PIK3C2G: variants seen among roughly 807,000 people sequenced by gnomAD.
The protein encoded by PIK3C2G is phosphatidylinositol-4-phosphate 3-kinase catalytic subunit type 2 gamma.
A neutral mutation model predicts 181.1 loss-of-function variants in PIK3C2G; 168 were observed. That is an observed-to-expected ratio of 0.93 (90% CI 0.82 to 1.05). The LOEUF (loss-of-function observed/expected upper bound fraction) is 1.05, where lower values mean the gene tolerates loss of function less well. PIK3C2G is among the 50% of genes least tolerant of loss of function. PIK3C2G has a pLI of 0.00. For synonymous variants in PIK3C2G, 573 were observed against 592.2 expected (o/e 0.97, Z 0.47); for missense variants, 1,869 against 1,732.8 (o/e 1.08, Z -1.40).
chr12:18,724,725 T>A, the PIK3C2G span, among the ~76,000 whole-genome samples: 1 of 152,176 alleles, frequency 6.6e-6, no homozygotes, highest in Non-Finnish European at 1.5e-5. Flanking sequence ...TGGAAGCGGA[T>A]GTTATAGAAT....
intron 4 of PIK3C2G, among the ~76,000 whole-genome samples, chr12:18,293,016 A>G (rs1949779773): frequency 6.6e-6 from 1 of 152,226 alleles, no homozygotes; most frequent in African/African-American, 2.4e-5. Flanking sequence ...AACTTGGGAT[A>G]TAATACCTAT....
chr12:18,538,056 AAAAG>A, intron 24 of PIK3C2G, 96 bp from the exon 25 acceptor site: 1 of 1,198,924 alleles, frequency 8.3e-7, no homozygotes, highest in Non-Finnish European at 1.2e-6. Context: ...AGAGAAAAAA[AAAAG>A]AAAATTCAAA....
At chr12:18,579,536 T>A (rs1946388865) in intron 29 of PIK3C2G, among the ~76,000 whole-genome samples, 1 of 152,154 alleles carries the variant, frequency 6.6e-6, no homozygotes. Context: ...TCTCTCTGTC[T>A]GTTCCTCTGT....
At chr12:18,392,465 G>A (rs1297013661) in intron 15 of PIK3C2G, among the ~76,000 whole-genome samples, 2 of 152,172 alleles carry the variant, frequency 1.3e-5, no homozygotes, top group South Asian at 2.1e-4. Flanking sequence ...AACTTCAAAT[G>A]TGCTAGTCCT....
At chr12:18,683,584 C>A in the PIK3C2G span, 3 of 1,456,928 alleles carry the variant, frequency 2.1e-6, no homozygotes, top group Middle Eastern at 1.8e-4. Flanking sequence ...AAATTAGCCA[C>A]CACCCTTCTG....
At chr12:18,268,640 C>T (rs1436382616) in intron 1 of PIK3C2G, among the ~76,000 whole-genome samples, 1 of 152,074 alleles carries the variant, frequency 6.6e-6, no homozygotes, top group African/African-American at 2.4e-5. Context: ...AATCATATGA[C>T]ATAATTCAGA....
rs762053615 is a variant in PIK3C2G at position 18,338,508 on chromosome 12, C to T, written c.1355C>T (p.Ala452Val). Reference sequence around the variant, plus strand: ...GTGGAAACCAAACAAATTACAGATGCAGTAAATGAACTAAGTCTAATTCTT... The same window carrying T: ...GTGGAAACCAAACAAATTACAGATGTAGTAAATGAACTAAGTCTAATTCTT... ...GCVETKQITD[A>V]VNELSLILQR... The change falls in exon 9 of 33, where the codon GCA becomes GTA. Residue 452 changes from alanine to valine, a missense_variant. Transcript: ENST00000538779. The T allele has an allele frequency of 1.3e-6, 2 of 1,587,584 alleles. No homozygotes were observed. The highest frequency in any genetic ancestry group is 1.7e-5 in the Admixed American group (1 of 59,814).
chr12:18,497,456 T>TA (rs1185130169), intron 21 of PIK3C2G, among the ~76,000 whole-genome samples, 163 bp from the exon 22 acceptor site: 16 of 152,162 alleles, frequency 1.1e-4, no homozygotes, highest in African/African-American at 3.9e-4. Flanking sequence ...AAATTTTTTT[T>TA]ATCAGAAACA....
Position 18,608,412 on chromosome 12 carries a change from A to T in PIK3C2G, c.4088-1123A>T, listed in dbSNP as rs367908196. ...ATGAGTTCATATCCTTTGTAGGGAC[A>T]TGGATGAAGCTGGAAACCATCATTC... On this transcript the variant is annotated intron_variant, in intron 30 of 32. Transcript: ENST00000538779. Among the ~76,000 whole-genome samples, 9 of 152,232 alleles carry T rather than the reference A, an allele frequency of 5.9e-5. No homozygotes were observed. The East Asian group carries it at 1.7e-3, about 29-fold the overall frequency.
chr12:18,641,670 A>G (rs947393447), intron 32 of PIK3C2G, among the ~76,000 whole-genome samples: 2 of 151,444 alleles, frequency 1.3e-5, no homozygotes, highest in African/African-American at 4.9e-5. Context: ...GTGGATCAAC[A>G]AAGTTTTATT....
intron 18 of PIK3C2G, among the ~76,000 whole-genome samples, chr12:18,474,475 A>G (rs184054366): frequency 4.6e-5 from 7 of 152,264 alleles, no homozygotes; most frequent in African/African-American, 1.7e-4. Context: ...ACCTTTCCAG[A>G]ATTCTTGGGA....
intron 1 of PIK3C2G, among the ~76,000 whole-genome samples, chr12:18,264,603 G>A (rs1415814037): frequency 6.6e-6 from 1 of 151,808 alleles, no homozygotes; most frequent in Non-Finnish European, 1.5e-5. Context: ...TTTTTGCTTA[G>A]GTTCCATTAT....
At chr12:18,649,800 T>G (rs1950338586), downstream of PIK3C2G, among the ~76,000 whole-genome samples, 1 of 152,180 alleles carries the variant, frequency 6.6e-6, no homozygotes, top group Non-Finnish European at 1.5e-5. Context: ...CTGGATATAT[T>G]TTCTTCATTT....
At position 18,286,853 on chromosome 12, in the gene PIK3C2G, G is replaced by T. The variant is rs867581120; in HGVS notation, c.685G>T (p.Gly229Cys). The T allele has an allele frequency of 6.6e-7, 1 of 1,520,538 alleles. No homozygotes were observed. Among genetic ancestry groups the T allele is most frequent in the East Asian group, 2.4e-5 (1 of 41,626 alleles). The allele number at this position is 1,520,538 out of a possible 1,614,324, so 94.2% of individuals were successfully genotyped here. Reference sequence around the variant, plus strand: ...TAGTAGATTTTATTTTAAGTCAATAGGTTGTTCCATTCAGCTAGTGGAAGT... The same window carrying T: ...TAGTAGATTTTATTTTAAGTCAATATGTTGTTCCATTCAGCTAGTGGAAGT... The part of the protein sequence containing the change: ...STWQKNIESI[G>C]CSIQLVEVPQ... Residue 229 changes from glycine to cysteine, a missense_variant, in exon 3 of 33, where the codon GGT becomes TGT. By Grantham distance (159) the Gly-to-Cys change is radical. Coordinates refer to ENST00000538779, the MANE Select transcript of PIK3C2G (RefSeq NM_001288772.2).
chr12:18,438,923 C>A (rs927873805), intron 18 of PIK3C2G, among the ~76,000 whole-genome samples: 10 of 151,724 alleles, frequency 6.6e-5, no homozygotes, highest in African/African-American at 2.4e-4. Context: ...CGTATTTATA[C>A]CTTCAAGAAT....
downstream of PIK3C2G, chr12:18,648,442 T>C (rs10841057): frequency 0.12 from 23,806 of 200,430 alleles, 1,667 homozygotes; most frequent in African/African-American, 0.2. Context: ...GTAATCAATT[T>C]TTAAAACTTA....
chr12:18,269,725 G>A (rs769550097), intron 1 of PIK3C2G, among the ~76,000 whole-genome samples: 3 of 151,856 alleles, frequency 2.0e-5, no homozygotes, highest in Non-Finnish European at 2.9e-5. Context: ...TAATGCTTAC[G>A]CAAAATGGAA....
chr12:18,324,151 G>A (rs1951231217), intron 7 of PIK3C2G, among the ~76,000 whole-genome samples: 2 of 151,794 alleles, frequency 1.3e-5, no homozygotes, highest in Admixed American at 1.3e-4. Flanking sequence ...ACCCCGGGGG[G>A]CGGAGCCTGC....
rs768710140 is a variant in PIK3C2G, at chr12:18,423,945, G to A, written c.2410G>A (p.Ala804Thr). ...AAAGTAATTGTGTCTCTTACTTCAG[G>A]CTGTCAAGTTTGAATGGAACCTTGA... is the stretch of plus-strand genomic sequence containing the variant. ...LLEYLPQLVQAVKFEWNLESP... is the reference protein window; with the variant it reads ...LLEYLPQLVQTVKFEWNLESP... The change falls in exon 18 of 33, where the codon GCT becomes ACT. Residue 804 changes from alanine to threonine, a missense_variant and splice_region_variant. Ala to Thr is a moderately conservative substitution (Grantham distance 58, BLOSUM62 0). Transcript: ENST00000538779. 15 of 1,597,496 alleles carry A rather than the reference G, an allele frequency of 9.4e-6. No individual in the cohort carries two copies. The South Asian group carries it at 1.7e-4, about 18-fold the overall frequency.
Sources: gnomAD v4.1 joint callset for allele counts (sites outside exome capture counted in the v4.1 genomes callset) on GRCh38, gnomAD v4.1.1 for gene constraint, MANE v1.5 for transcripts, NCBI Gene and HGNC (gene_info 2026-07-23, HGNC 2026-07-21) for gene names.